The following ULK4 variants were observed in gnomAD, a reference collection of about 807,000 sequenced individuals.
ULK4 encodes the protein unc-51 like kinase 4.
In ULK4, 133 loss-of-function variants were observed where a neutral mutation model predicts 160.6. The ratio of observed to expected loss-of-function variants is 0.83; its 90% CI spans 0.72 to 0.96. The LOEUF is 0.96. Among genes scored for constraint, ULK4 ranks in the 40% least tolerant of loss-of-function variants. The probability of loss-of-function intolerance (pLI) is 0.00; values close to 1 mark genes in which losing one functional copy is unlikely to be tolerated. For synonymous variants in ULK4, 534 were observed against 539.8 expected, an observed-to-expected ratio of 0.99 and a Z score of 0.15; for missense variants, 1,580 against 1,499.5, an observed-to-expected ratio of 1.05 and a Z score of -0.89.
chr3:41,568,372 G>A lies in ULK4; in HGVS notation c.3121-2242C>T, dbSNP rs139867417. Among the ~76,000 whole-genome samples, 10 of 152,302 alleles carry A rather than the reference G, an allele frequency of 6.6e-5. No individual in the cohort carries two copies. The South Asian group carries it at 1.0e-3, about 16-fold the overall frequency. ...ATCTGAGCAAAGATTTAAAGAAGTA[G>A]ACATATGTTTATTCTCCTAATATAC... On this transcript the variant is annotated intron_variant, in intron 31 of 36. Coordinates refer to ENST00000301831, the MANE Select transcript of ULK4 (RefSeq NM_017886.4).
intron 31 of ULK4, among the ~76,000 whole-genome samples, chr3:41,575,678 G>T (rs960241035): frequency 6.6e-6 from 1 of 152,198 alleles, no homozygotes; most frequent in Admixed American, 6.5e-5. Flanking sequence ...ATTCCAGCTG[G>T]CACAGAAGGG....
intron 5 of ULK4, among the ~76,000 whole-genome samples, chr3:41,924,367 G>A (rs997695527): frequency 1.3e-5 from 2 of 152,116 alleles, no homozygotes; most frequent in East Asian, 1.9e-4. Flanking sequence ...TGAAGTACAC[G>A]ATCCCAAAAG....
At position 41,901,479 on chromosome 3, in the gene ULK4, C is replaced by CTTTTTTTTT. The variant is rs566805860; in HGVS notation, c.1183-659_1183-651dup. On this transcript the variant is annotated intron_variant, in intron 12 of 36. Coordinates refer to ENST00000301831, the MANE Select transcript of ULK4 (RefSeq NM_017886.4). ...ACAGGCGTGAGCCACCACGCCCAGC[C>CTTTTTTTTT]TTTTTTTTTTTTTTTTTTTGAGATA... Among the ~76,000 whole-genome samples, 16 of 22,546 alleles carry CTTTTTTTTT rather than the reference C, an allele frequency of 7.1e-4. 5 individuals are homozygous for CTTTTTTTTT. Among genetic ancestry groups the CTTTTTTTTT allele is most frequent in the East Asian group, 2.8e-3 (2 of 716 alleles). 14.8% of individuals were successfully genotyped at this position (22,546 alleles called of 152,430 possible).
chr3:41,919,886 G>A (rs1699126273), intron 5 of ULK4, 68 bp from the exon 6 acceptor site: 2 of 995,212 alleles, frequency 2.0e-6, no homozygotes, highest in Admixed American at 2.0e-5. Flanking sequence ...ACCCACCTAG[G>A]AAAGATCTGA....
intron 17 of ULK4, among the ~76,000 whole-genome samples, chr3:41,852,156 C>T (rs906879841): frequency 6.6e-6 from 1 of 152,056 alleles, no homozygotes; most frequent in Admixed American, 6.6e-5. Context: ...ATAAATTCCT[C>T]GACACATACA....
chr3:41,394,397 T>G (rs745371012), intron 35 of ULK4, among the ~76,000 whole-genome samples: 48 of 152,062 alleles, frequency 3.2e-4, no homozygotes, highest in Non-Finnish European at 6.0e-4. Context: ...TACTTCCCAA[T>G]AAACCCATCA....
intron 35 of ULK4, among the ~76,000 whole-genome samples, chr3:41,350,394 T>C (rs889452118): frequency 2.7e-4 from 41 of 152,236 alleles, no homozygotes; most frequent in African/African-American, 9.6e-4. Flanking sequence ...TACCTTCACA[T>C]AAACAGAAAT....
At chr3:41,629,216 C>A (rs2033651867) in intron 30 of ULK4, among the ~76,000 whole-genome samples, 2 of 152,110 alleles carry the variant, frequency 1.3e-5, no homozygotes. Flanking sequence ...CGTTTGCGGC[C>A]TCAGCTGGGA....
chr3:41,910,987 T>A (rs1426634033), intron 11 of ULK4, among the ~76,000 whole-genome samples: 1 of 152,156 alleles, frequency 6.6e-6, no homozygotes, highest in Non-Finnish European at 1.5e-5. Context: ...CCAAACAAGC[T>A]GGACTTCTGA....
chr3:41,543,136 G>A (rs150458543), intron 32 of ULK4, among the ~76,000 whole-genome samples: 1 of 152,176 alleles, frequency 6.6e-6, no homozygotes, highest in Non-Finnish European at 1.5e-5. Context: ...GTGCTGCCAT[G>A]GATCAGTGAC....
At chr3:41,706,169 G>C (rs2036870971) in intron 25 of ULK4, among the ~76,000 whole-genome samples, 1 of 151,704 alleles carries the variant, frequency 6.6e-6, no homozygotes, top group South Asian at 2.1e-4. Context: ...TAGTAGCTCG[G>C]CTGTGAGCTC....
chr3:41,817,229 A>C (rs1189648376), intron 19 of ULK4, among the ~76,000 whole-genome samples: 1 of 152,226 alleles, frequency 6.6e-6, no homozygotes, highest in Non-Finnish European at 1.5e-5. Flanking sequence ...ATGTGGCGCC[A>C]TTCCATTTAC....
intron 32 of ULK4, among the ~76,000 whole-genome samples, chr3:41,506,464 C>T (rs1044825662): frequency 6.6e-6 from 1 of 151,994 alleles, no homozygotes; most frequent in African/African-American, 2.4e-5. Context: ...ACATTCTTTT[C>T]CAGGTTTTGA....
At chr3:41,850,054 A>G (rs2042172210) in intron 17 of ULK4, among the ~76,000 whole-genome samples, 1 of 152,052 alleles carries the variant, frequency 6.6e-6, no homozygotes, top group African/African-American at 2.4e-5. Context: ...GAGTGAGAAC[A>G]TGTGGTGTTT....
intron 32 of ULK4, among the ~76,000 whole-genome samples, chr3:41,550,229 A>C (rs1035154303): frequency 6.6e-6 from 1 of 152,056 alleles, no homozygotes; most frequent in African/African-American, 2.4e-5. Flanking sequence ...AGAAAGAAAC[A>C]AAAGATATGC....
chr3:41,380,607 C>A (rs939923872), intron 35 of ULK4, among the ~76,000 whole-genome samples: 2 of 152,136 alleles, frequency 1.3e-5, no homozygotes, highest in Admixed American at 6.5e-5. Context: ...TCACTCACGG[C>A]CTCACCCATC....
intron 29 of ULK4, among the ~76,000 whole-genome samples, chr3:41,674,526 A>G (rs1322251164): frequency 1.3e-5 from 2 of 152,228 alleles, no homozygotes; most frequent in Non-Finnish European, 2.9e-5. Flanking sequence ...AATCGCACAG[A>G]TAACTGAGTT....
intron 17 of ULK4, among the ~76,000 whole-genome samples, chr3:41,854,591 AAGAAAATTTCT>A (rs1275663191): frequency 6.6e-6 from 1 of 152,132 alleles, no homozygotes; most frequent in South Asian, 2.1e-4. Context: ...GATATTTAAT[AAGAAAATTTCT>A]AGATTTACTG....
chr3:41,250,417 T>C (rs1039445698), intron 35 of ULK4, among the ~76,000 whole-genome samples: 8 of 152,254 alleles, frequency 5.3e-5, no homozygotes, highest in African/African-American at 1.9e-4. Context: ...TGTTTTCTCA[T>C]TTAATCTTCT....
Sources: allele counts gnomAD v4.1 joint callset (sites outside exome capture counted in the v4.1 genomes callset), GRCh38; gene constraint gnomAD v4.1.1; transcripts MANE v1.5; gene names NCBI Gene and HGNC (gene_info 2026-07-23, HGNC 2026-07-21).